Variants in ARHGAP42 observed in about 807,000 individuals in gnomAD.
ARHGAP42 encodes the protein Rho GTPase activating protein 42.
In ARHGAP42, 63 loss-of-function variants were observed where a neutral mutation model predicts 125.0. The observed-to-expected ratio is 0.50, with a 90% CI of 0.41 to 0.62. The LOEUF is 0.62. ARHGAP42 is among the 20% of genes least tolerant of loss of function. The pLI is 0.00. For missense variants in ARHGAP42, 766 were observed against 1,024.2 expected, an observed-to-expected ratio of 0.75 and a Z score of 3.44; for synonymous variants, 339 against 351.0, an observed-to-expected ratio of 0.97 and a Z score of 0.38.
intron 3 of ARHGAP42, among the ~76,000 whole-genome samples, chr11:100,811,499 C>CTTTTTTTTTTT (rs202012798): frequency 1.0e-5 from 1 of 98,086 alleles, no homozygotes; most frequent in African/African-American, 4.1e-5. Context: ...AATGTCTTGA[C>CTTTTTTTTTTT]TTTCTTTTTT....
intron 4 of ARHGAP42, among the ~76,000 whole-genome samples, chr11:100,894,389 G>A (rs1428474449): frequency 1.3e-5 from 2 of 152,192 alleles, no homozygotes; most frequent in Non-Finnish European, 2.9e-5. Flanking sequence ...TTTATGTGAT[G>A]TGACAGAGGG....
intron 1 of ARHGAP42, among the ~76,000 whole-genome samples, chr11:100,733,533 A>G (rs686029): frequency 6.6e-6 from 1 of 152,002 alleles, no homozygotes; most frequent in South Asian, 2.1e-4. Context: ...TTTAAAATGC[A>G]CTCCAGAGGG....
chr11:100,872,182 T>C (rs1448105659), intron 4 of ARHGAP42, among the ~76,000 whole-genome samples: 1 of 152,218 alleles, frequency 6.6e-6, no homozygotes, highest in Non-Finnish European at 1.5e-5. Context: ...ATCTGGATAC[T>C]ATAGCATTTT....
At chr11:100,953,765 G>T (rs1429485804) in intron 12 of ARHGAP42, among the ~76,000 whole-genome samples, 1 of 151,864 alleles carries the variant, frequency 6.6e-6, no homozygotes, top group Admixed American at 6.6e-5. Flanking sequence ...TCAATGACAG[G>T]GTATTGAATT....
intron 2 of ARHGAP42, 146 bp from the exon 3 acceptor site, chr11:100,794,959 C>A: frequency 2.0e-6 from 1 of 509,488 alleles, no homozygotes; most frequent in Non-Finnish European, 3.3e-6. Context: ...CATAAAATCA[C>A]AGAATATAGT....
intron 8 of ARHGAP42, among the ~76,000 whole-genome samples, chr11:100,938,279 G>C (rs1867788383): frequency 1.3e-5 from 2 of 151,880 alleles, no homozygotes; most frequent in Admixed American, 1.3e-4. Context: ...TTACCTCCAG[G>C]CTTGCCCATC....
intron 3 of ARHGAP42, among the ~76,000 whole-genome samples, chr11:100,831,128 T>C (rs937121021): frequency 6.6e-5 from 10 of 152,292 alleles, no homozygotes; most frequent in African/African-American, 2.4e-4. Flanking sequence ...TCACGTGAGC[T>C]TGGGCATATT....
chr11:100,889,811 G>C (rs1866176429), intron 4 of ARHGAP42, among the ~76,000 whole-genome samples: 4 of 152,092 alleles, frequency 2.6e-5, no homozygotes, highest in Admixed American at 2.6e-4. Context: ...GTTCACTCAT[G>C]GGCTCGTGCT....
At chr11:100,778,266 C>T (rs142283545) in intron 2 of ARHGAP42, among the ~76,000 whole-genome samples, 124 of 151,928 alleles carry the variant, frequency 8.2e-4, no homozygotes, top group African/African-American at 2.8e-3. Context: ...AAAGGCAATG[C>T]CATTATCAAC....
At chr11:100,699,668 G>A (rs1176586467) in intron 1 of ARHGAP42, among the ~76,000 whole-genome samples, 1 of 150,626 alleles carries the variant, frequency 6.6e-6, no homozygotes, top group African/African-American at 2.4e-5. Flanking sequence ...GATTACAGAG[G>A]TGCGCCACCA....
intron 3 of ARHGAP42, among the ~76,000 whole-genome samples, chr11:100,856,769 A>G (rs934948753): frequency 1.3e-5 from 2 of 152,120 alleles, no homozygotes; most frequent in African/African-American, 4.8e-5. Context: ...AGTTATGAAT[A>G]CAGAGTAGAC....
chr11:100,986,294 C>T, intron 22 of ARHGAP42: 1 of 347,748 alleles, frequency 2.9e-6, no homozygotes, highest in South Asian at 2.3e-5. Flanking sequence ...ACCTGAAGTA[C>T]ATGGCCATGT....
intron 4 of ARHGAP42, among the ~76,000 whole-genome samples, chr11:100,883,622 T>A (rs185912614): frequency 6.6e-6 from 1 of 151,534 alleles, no homozygotes; most frequent in African/African-American, 2.4e-5. Flanking sequence ...GGATTACAGG[T>A]GTGAGCCACC....
At chr11:100,797,131 C>G (rs1050456413) in intron 3 of ARHGAP42, among the ~76,000 whole-genome samples, 1 of 152,156 alleles carries the variant, frequency 6.6e-6, no homozygotes, top group Admixed American at 6.5e-5. Flanking sequence ...GAGTTTGGAG[C>G]TAGTAGTGGT....
intron 3 of ARHGAP42, chr11:100,839,855 A>G (rs910987027): frequency 3.9e-5 from 6 of 152,138 alleles, no homozygotes; most frequent in African/African-American, 1.2e-4. Flanking sequence ...AGAACCTCCA[A>G]GCTTTCAAAT....
chr11:100,982,374 G>A (rs1035468603), intron 22 of ARHGAP42, among the ~76,000 whole-genome samples: 2 of 152,192 alleles, frequency 1.3e-5, no homozygotes, highest in Non-Finnish European at 2.9e-5. Flanking sequence ...CAATGTCCAA[G>A]ACTGAGGCCT....
intron 4 of ARHGAP42, among the ~76,000 whole-genome samples, chr11:100,867,927 G>T (rs190405145): frequency 6.6e-6 from 1 of 152,302 alleles, no homozygotes; most frequent in African/African-American, 2.4e-5. Flanking sequence ...AAGAGAGAGA[G>T]AGAGAAAGAC....
rs144025832 is a variant in ARHGAP42 at position 100,984,268 on chromosome 11, A to G, written c.2457-3245A>G. 1.4e-4 allele frequency among the ~76,000 whole-genome samples: 21 copies of G among 152,172 alleles called. No homozygotes were observed. The East Asian group carries it at 3.9e-3, about 28-fold the overall frequency. On this transcript the variant is annotated intron_variant, in intron 22 of 23. Transcript: ENST00000298815. ...TTGTCTTACGCATTAACATTGTTTC[A>G]TTACATGAGTTCTTCAATAGCATTA...
At chr11:100,882,053 C>T (rs1431985439) in intron 4 of ARHGAP42, among the ~76,000 whole-genome samples, 1 of 152,122 alleles carries the variant, frequency 6.6e-6, no homozygotes, top group East Asian at 1.9e-4. Context: ...ACTGTTTGAC[C>T]TCCTCTTTAC....
Sources: gnomAD v4.1 joint callset for allele counts (sites outside exome capture counted in the v4.1 genomes callset) on GRCh38, gnomAD v4.1.1 for gene constraint, MANE v1.5 for transcripts, NCBI Gene and HGNC (gene_info 2026-07-23, HGNC 2026-07-21) for gene names.